Variants in BMPR1B observed in about 807,000 individuals in gnomAD.
BMPR1B encodes bone morphogenetic protein receptor type-1B.
A neutral mutation model predicts 59.1 loss-of-function variants in BMPR1B; 12 were observed. The observed-to-expected ratio is 0.20, with a 90% CI of 0.13 to 0.33. The LOEUF (loss-of-function observed/expected upper bound fraction) is 0.33. Ranked by LOEUF, BMPR1B falls within the 10% of genes least tolerant of loss-of-function variation. The pLI, the probability that BMPR1B is intolerant of heterozygous loss-of-function variation, is 1.00. For missense variants in BMPR1B, 550 were observed against 610.9 expected (o/e 0.90, Z 1.05); for synonymous variants, 237 against 207.3 (o/e 1.14, Z -1.23).
intron 3 of BMPR1B, among the ~76,000 whole-genome samples, chr4:95,050,877 C>A (rs891494773): frequency 4.0e-5 from 6 of 151,636 alleles, no homozygotes; most frequent in Non-Finnish European, 8.8e-5. Context: ...GAAAAAATTT[C>A]TTTATCTCAT....
chr4:94,926,266 T>C (rs116021988), intron 2 of BMPR1B, among the ~76,000 whole-genome samples: 276 of 152,034 alleles, frequency 1.8e-3, no homozygotes, highest in African/African-American at 6.1e-3. Flanking sequence ...TGCTTTTCGT[T>C]CTGAATAGAT....
intron 2 of BMPR1B, among the ~76,000 whole-genome samples, chr4:94,955,389 A>G (rs1730103203): frequency 6.6e-6 from 1 of 152,212 alleles, no homozygotes; most frequent in East Asian, 1.9e-4. Context: ...TAGTCAGACT[A>G]GCAGCAGTAG....
At chr4:94,774,766 C>T (rs762323069) in intron 1 of BMPR1B, among the ~76,000 whole-genome samples, 14 of 152,144 alleles carry the variant, frequency 9.2e-5, no homozygotes, top group Non-Finnish European at 1.6e-4. Context: ...TCCATCCTCA[C>T]AGTTTTAACT....
intron 2 of BMPR1B, among the ~76,000 whole-genome samples, chr4:94,988,500 T>A (rs1315762573): frequency 2.0e-5 from 3 of 152,226 alleles, no homozygotes; most frequent in Admixed American, 6.5e-5. Context: ...TGCTTTAGTT[T>A]AGTTTGCCAT....
chr4:95,104,300 AG>A, intron 3 of BMPR1B, 107 bp from the exon 4 acceptor site: 1 of 1,272,856 alleles, frequency 7.9e-7, no homozygotes, highest in Non-Finnish European at 1.1e-6. Flanking sequence ...TAAATCTTTA[AG>A]TATCTTGAAT....
chr4:95,048,209 A>G (rs917748500), intron 3 of BMPR1B, among the ~76,000 whole-genome samples: 1 of 152,080 alleles, frequency 6.6e-6, no homozygotes, highest in African/African-American at 2.4e-5. Context: ...TGTGTACCTC[A>G]GTTGATTTCA....
chr4:94,970,890 A>C (rs1730768325), intron 2 of BMPR1B, among the ~76,000 whole-genome samples: 1 of 152,088 alleles, frequency 6.6e-6, no homozygotes, highest in Non-Finnish European at 1.5e-5. Context: ...TAGCCCTTTA[A>C]GTTACATTTT....
intron 6 of BMPR1B, among the ~76,000 whole-genome samples, chr4:95,118,567 A>G (rs1003235805): frequency 6.6e-6 from 1 of 152,168 alleles, no homozygotes; most frequent in African/African-American, 2.4e-5. Flanking sequence ...CTCAGAGTGA[A>G]CCAGACTTCG....
rs139192146 is a variant in BMPR1B at position 95,050,750 on chromosome 4, G to A, written c.-17-53658G>A. Among the ~76,000 whole-genome samples, 304 of 152,082 alleles carry A rather than the reference G, an allele frequency of 2.0e-3. 1 individual carries two copies. Among genetic ancestry groups the A allele is most frequent in the African/African-American group, 6.5e-3 (270 of 41,488 alleles). ...CAAACTGATGGGATTTAATAATGAC[G>A]TCTTTTTGTATTTGTCTATGGTAGC... On this transcript the variant is annotated intron_variant, in intron 3 of 12. Transcript: ENST00000515059.
At chr4:95,004,119 T>C (rs1722653102) in intron 3 of BMPR1B, among the ~76,000 whole-genome samples, 1 of 152,330 alleles carries the variant, frequency 6.6e-6, no homozygotes, top group South Asian at 2.1e-4. Context: ...TAAACATAGT[T>C]TGTGTTTGTG....
At chr4:94,839,670 G>T (rs1463237855) in intron 1 of BMPR1B, among the ~76,000 whole-genome samples, 1 of 143,632 alleles carries the variant, frequency 7.0e-6, no homozygotes, top group Non-Finnish European at 1.5e-5. Context: ...ACGTGAGATG[G>T]GTTTCCTGAA....
At chr4:94,788,212 T>A (rs533910844) in intron 1 of BMPR1B, among the ~76,000 whole-genome samples, 1 of 152,224 alleles carries the variant, frequency 6.6e-6, no homozygotes, top group South Asian at 2.1e-4. Context: ...AGAATTCTCT[T>A]GACTGGAAGC....
At chr4:94,986,734 T>A (rs577558272) in intron 2 of BMPR1B, among the ~76,000 whole-genome samples, 2 of 150,868 alleles carry the variant, frequency 1.3e-5, no homozygotes, top group Non-Finnish European at 2.9e-5. Context: ...TTTTAAAAAA[T>A]ATATTTTGAT....
chr4:95,102,143 T>A (rs924824310), intron 3 of BMPR1B, among the ~76,000 whole-genome samples: 1 of 152,228 alleles, frequency 6.6e-6, no homozygotes, highest in Non-Finnish European at 1.5e-5. Context: ...AAGAACCAAA[T>A]TTTATACCAC....
chr4:94,825,598 C>T (rs1413419184), intron 1 of BMPR1B, among the ~76,000 whole-genome samples: 2 of 152,066 alleles, frequency 1.3e-5, no homozygotes, highest in South Asian at 4.1e-4. Context: ...GGCAGACTTG[C>T]CTTCTCATTG....
chr4:95,096,454 A>G (rs977092625), intron 3 of BMPR1B, among the ~76,000 whole-genome samples: 29 of 151,302 alleles, frequency 1.9e-4, no homozygotes, highest in Admixed American at 1.8e-3. Context: ...CTGTAAATCT[A>G]TTTCTAAAGA....
intron 3 of BMPR1B, among the ~76,000 whole-genome samples, chr4:95,017,925 G>T (rs932779068): frequency 1.3e-5 from 2 of 152,168 alleles, no homozygotes; most frequent in African/African-American, 4.8e-5. Context: ...AAATACTGTT[G>T]TGAAATGGGT....
At chr4:94,840,474 T>G in intron 1 of BMPR1B, among the ~76,000 whole-genome samples, 1 of 147,326 alleles carries the variant, frequency 6.8e-6, no homozygotes, top group Non-Finnish European at 1.5e-5. Flanking sequence ...TTTATTCTTT[T>G]TTTCTCTAAA....
chr4:94,964,382 G>T (rs919241078), intron 2 of BMPR1B, among the ~76,000 whole-genome samples: 1 of 152,106 alleles, frequency 6.6e-6, no homozygotes, highest in Non-Finnish European at 1.5e-5. Context: ...GGTAAAAGTG[G>T]ATATCCTTGT....
Sources: allele counts gnomAD v4.1 joint callset (sites outside exome capture counted in the v4.1 genomes callset), GRCh38; gene constraint gnomAD v4.1.1; transcripts MANE v1.5; gene names NCBI Gene and HGNC (gene_info 2026-07-23, HGNC 2026-07-21).